The following ZNF423 variants were observed in gnomAD, a reference collection of about 807,000 sequenced individuals.
The protein encoded by ZNF423 is Ebf-associated zinc finger protein.
A neutral mutation model predicts 95.8 loss-of-function variants in ZNF423; 12 were observed. That is an observed-to-expected ratio of 0.13 (90% CI 0.08 to 0.20). The LOEUF is 0.20. Ranked by LOEUF, ZNF423 falls within the 10% of genes least tolerant of loss-of-function variation. The pLI is 1.00. For synonymous variants in ZNF423, 749 were observed against 711.9 expected, an observed-to-expected ratio of 1.05 and a Z score of -0.83; for missense variants, 1,316 against 1,737.1, an observed-to-expected ratio of 0.76 and a Z score of 4.31.
At chr16:49,621,892 G>T (rs1972096038) in intron 5 of ZNF423, among the ~76,000 whole-genome samples, 1 of 152,100 alleles carries the variant, frequency 6.6e-6, no homozygotes, top group African/African-American at 2.4e-5. Flanking sequence ...TTCTCCCCCT[G>T]CCCTGTTCAC....
At chr16:49,698,360 G>A (rs1183174902) in intron 3 of ZNF423, among the ~76,000 whole-genome samples, 1 of 152,108 alleles carries the variant, frequency 6.6e-6, no homozygotes, top group Non-Finnish European at 1.5e-5. Flanking sequence ...AAACTGGGGA[G>A]GGGTGGGGGA....
In ZNF423 at chr16:49,490,539, C is replaced by T. The variant is rs1326890440; in HGVS notation, c.*736G>A. Reference sequence around the variant, plus strand: ...CCACAGGAACTTGTAGGGGAACACACCTTACAGGAGCTGACAGCCCCCCAC... The same window carrying T: ...CCACAGGAACTTGTAGGGGAACACATCTTACAGGAGCTGACAGCCCCCCAC... On this transcript the variant is annotated 3_prime_UTR_variant, in exon 8 of 8. Transcript: ENST00000563137. The T allele has an allele frequency of 6.6e-6, 1 of 152,582 alleles. No individual in the cohort carries two copies. Among genetic ancestry groups the T allele is most frequent in the Admixed American group, 6.5e-5 (1 of 15,298 alleles). The allele number at this position is 152,582 out of a possible 1,614,324, so 9.5% of individuals were successfully genotyped here. A position where few individuals can be genotyped will look rare whatever the true frequency, so the allele number is the denominator to read the frequency against.
At chr16:49,696,001 T>C (rs1266566933) in intron 3 of ZNF423, among the ~76,000 whole-genome samples, 1 of 152,134 alleles carries the variant, frequency 6.6e-6, no homozygotes, top group Non-Finnish European at 1.5e-5. Context: ...ACCAGAGTCA[T>C]AAAGTCTGCA....
chr16:49,809,170 C>T (rs181009412), intron 1 of ZNF423, among the ~76,000 whole-genome samples: 79 of 152,332 alleles, frequency 5.2e-4, no homozygotes, highest in African/African-American at 1.9e-3. Context: ...CTTCGAATGG[C>T]GGAGAGATGG....
intron 5 of ZNF423, among the ~76,000 whole-genome samples, chr16:49,563,095 G>C (rs988286902): frequency 1.3e-5 from 2 of 152,140 alleles, no homozygotes; most frequent in Non-Finnish European, 2.9e-5. Context: ...CCAGCTGTAC[G>C]CATTTTACAT....
chr16:49,590,754 C>T (rs1393521348), intron 5 of ZNF423, among the ~76,000 whole-genome samples: 1 of 152,210 alleles, frequency 6.6e-6, no homozygotes, highest in Non-Finnish European at 1.5e-5. Context: ...GTAATTAACA[C>T]CCGCACTTGA....
Position 49,638,522 on chromosome 16 carries a change from C to A in ZNF423, c.654G>T (p.Lys218Asn), listed in dbSNP as rs751260245. The change falls in exon 4 of 8, where the codon AAG becomes AAT. Residue 218 changes from lysine to asparagine, a missense_variant. Lys to Asn is a moderately conservative substitution (Grantham distance 94). Coordinates refer to ENST00000563137, the MANE Select transcript of ZNF423 (RefSeq NM_001379286.1). This position sits in a 1 kb window ranked among gnomAD's most constrained non-coding sequence, Gnocchi z 5.6. ...TGGAGCTGTGGGTCTTCAGGTGGATCTTGAGGTGGTCGCTGCGGGAGAAGG... is the reference window on the plus strand; with the variant it reads ...TGGAGCTGTGGGTCTTCAGGTGGATATTGAGGTGGTCGCTGCGGGAGAAGG... ...EAAFSRSDHLKIHLKTHSSSK... is the reference protein window; with the variant it reads ...EAAFSRSDHLNIHLKTHSSSK... The A allele has an allele frequency of 6.2e-7, 1 of 1,613,834 alleles. No individual in the cohort carries two copies. Among genetic ancestry groups the A allele is most frequent in the Non-Finnish European group, 8.5e-7 (1 of 1,180,042 alleles).
chr16:49,820,523 AT>A (rs1327657192), intron 1 of ZNF423, among the ~76,000 whole-genome samples: 6 of 152,304 alleles, frequency 3.9e-5, no homozygotes, highest in South Asian at 2.1e-4. Flanking sequence ...ATTTAGCTAC[AT>A]TTTTTTAATA....
intron 3 of ZNF423, among the ~76,000 whole-genome samples, chr16:49,684,160 C>T (rs963762435): frequency 2.0e-5 from 3 of 152,284 alleles, no homozygotes; most frequent in African/African-American, 7.2e-5. Context: ...GCAAAAAAAG[C>T]AGAATATATT....
chr16:49,810,651 C>T (rs941795257), intron 1 of ZNF423, among the ~76,000 whole-genome samples: 1 of 152,180 alleles, frequency 6.6e-6, no homozygotes, highest in African/African-American at 2.4e-5. Flanking sequence ...ATGAATTCAT[C>T]GCAAGCCCTT....
intron 2 of ZNF423, among the ~76,000 whole-genome samples, chr16:49,781,438 G>A (rs182407031): frequency 2.0e-5 from 3 of 152,328 alleles, no homozygotes; most frequent in African/African-American, 7.2e-5. Flanking sequence ...GAAACCCACT[G>A]CGAGTTCAGC....
intron 5 of ZNF423, among the ~76,000 whole-genome samples, chr16:49,604,536 G>A (rs1199330873): frequency 6.6e-6 from 1 of 152,112 alleles, no homozygotes; most frequent in African/African-American, 2.4e-5. Context: ...ATATTAAATA[G>A]TTGCATCACC....
Position 49,660,050 on chromosome 16 carries a change from T to A in ZNF423, c.302-21176A>T, listed in dbSNP as rs577756487. On this transcript the variant is annotated intron_variant, in intron 3 of 7. Coordinates refer to ENST00000563137, the MANE Select transcript of ZNF423 (RefSeq NM_001379286.1). ...ATATACCTCTCAACCACTTCCCTTA[T>A]GCTTTTTTATCTTCTTCCAAGAATG... Among the ~76,000 whole-genome samples, 135 of 152,340 alleles carry A rather than the reference T, an allele frequency of 8.9e-4. 4 individuals carry two copies. In the South Asian group the frequency reaches 0.028, roughly 32 times the overall value.
intron 5 of ZNF423, 79 bp from the exon 6 acceptor site, chr16:49,525,573 C>A: frequency 6.3e-7 from 1 of 1,580,202 alleles, no homozygotes; most frequent in South Asian, 1.2e-5. Context: ...CTCCCATAGA[C>A]CCCAGCACTA....
At chr16:49,848,227 G>A (rs1021911897) in intron 1 of ZNF423, among the ~76,000 whole-genome samples, 4 of 152,160 alleles carry the variant, frequency 2.6e-5, no homozygotes, top group African/African-American at 9.7e-5. Flanking sequence ...CCAGCCAGGT[G>A]AGCATCTGCA....
At chr16:49,725,793 C>G (rs2032997024) in intron 3 of ZNF423, among the ~76,000 whole-genome samples, 1 of 152,228 alleles carries the variant, frequency 6.6e-6, no homozygotes, top group South Asian at 2.1e-4. Context: ...CCTGCTCACA[C>G]ATTTGCCCCC....
At position 49,650,145 on chromosome 16, in the gene ZNF423, C is replaced by T. The variant is rs769086312; in HGVS notation, c.302-11271G>A. 2.0e-5 allele frequency among the ~76,000 whole-genome samples: 3 copies of T among 152,232 alleles called. No individual in the cohort carries two copies. In the South Asian group the frequency reaches 6.2e-4, roughly 31 times the overall value. ...TGCTGAAATGCCATGTGACAGTGAA[C>T]AGCTGCCACCAAGGCCCTTAACAAA... On this transcript the variant is annotated intron_variant, in intron 3 of 7. Transcript: ENST00000563137.
chr16:49,495,382 G>A (rs1316969707), intron 7 of ZNF423, among the ~76,000 whole-genome samples: 1 of 152,160 alleles, frequency 6.6e-6, no homozygotes, highest in Admixed American at 6.5e-5. Flanking sequence ...CTATGCTGGG[G>A]GCAGGCCTAC....
chr16:49,594,568 G>A (rs1971122452), intron 5 of ZNF423, among the ~76,000 whole-genome samples: 1 of 152,030 alleles, frequency 6.6e-6, no homozygotes, highest in Non-Finnish European at 1.5e-5. Context: ...CAAAAACACA[G>A]ATAAACCCAC....
Sources: gnomAD v4.1 joint callset for allele counts (sites outside exome capture counted in the v4.1 genomes callset) on GRCh38, gnomAD v4.1.1 for gene constraint, Gnocchi (gnomAD v3.1) non-coding constraint, MANE v1.5 for transcripts, NCBI Gene and HGNC (gene_info 2026-07-23, HGNC 2026-07-21) for gene names.